Variants in TRMT9B observed in about 807,000 individuals in gnomAD.
The protein encoded by TRMT9B is probable tRNA methyltransferase 9B.
A neutral mutation model predicts 11.5 loss-of-function variants in TRMT9B; 16 were observed. The observed-to-expected ratio is 1.39, with a 90% CI of 0.94 to 2.11. TRMT9B has a LOEUF of 2.11. TRMT9B is among the 30% of genes most tolerant of loss of function. The pLI is 0.00. For synonymous variants in TRMT9B, 274 were observed against 192.4 expected (o/e 1.42, Z -3.51); for missense variants, 941 against 553.8 (o/e 1.70, Z -7.02).
chr8:12,949,752 C>T (rs150752746), intron 1 of TRMT9B, among the ~76,000 whole-genome samples: 147 of 152,304 alleles, frequency 9.7e-4, no homozygotes, highest in African/African-American at 3.4e-3. Context: ...TCAACATTTT[C>T]ATAGGGGCCT....
At chr8:13,018,017 C>G (rs551720405) in intron 4 of TRMT9B, among the ~76,000 whole-genome samples, 1 of 150,404 alleles carries the variant, frequency 6.6e-6, no homozygotes, top group East Asian at 1.9e-4. Context: ...ACTGATATTC[C>G]TGGGTGAAAT....
intron 2 of TRMT9B, among the ~76,000 whole-genome samples, chr8:13,000,573 T>C (rs1038066463): frequency 6.6e-6 from 1 of 152,244 alleles, no homozygotes; most frequent in Non-Finnish European, 1.5e-5. Context: ...AAGTTAGTTG[T>C]ATCTTTGTCT....
At chr8:13,012,212 C>T (rs1174154432) in intron 3 of TRMT9B, 2 of 985,172 alleles carry the variant, frequency 2.0e-6, no homozygotes, top group Non-Finnish European at 2.4e-6. Flanking sequence ...TAAGTATTCG[C>T]CGAAGGCTTT....
At chr8:13,016,540 A>G (rs190817400) in intron 4 of TRMT9B, among the ~76,000 whole-genome samples, 336 of 151,742 alleles carry the variant, frequency 2.2e-3, no homozygotes, top group Non-Finnish European at 3.9e-3. Flanking sequence ...GTATATATAT[A>G]TTTGCTTTTC....
At position 13,028,918 on chromosome 8, in the gene TRMT9B, G is replaced by A. The variant is rs73206624; in HGVS notation, c.*6874G>A. 0.024 allele frequency: 4,021 copies of A among 167,018 alleles called. 73 individuals carry two copies. Among genetic ancestry groups the A allele is most frequent in the African/African-American group, 0.035 (1,468 of 41,492 alleles). The allele number at this position is 167,018 out of a possible 1,614,324, so 10.3% of individuals were successfully genotyped here. ...ACTTCTCTGGTTATTTACACAAAAC[G>A]CTGGCAATACATTAAGGCTCACTAA... On this transcript the variant is annotated 3_prime_UTR_variant, in exon 5 of 5. Coordinates refer to ENST00000524591, the MANE Select transcript of TRMT9B (RefSeq NM_020844.3).
intron 2 of TRMT9B, among the ~76,000 whole-genome samples, chr8:12,991,965 C>G (rs1236504352): frequency 1.3e-5 from 2 of 152,114 alleles, no homozygotes; most frequent in Non-Finnish European, 2.9e-5. Flanking sequence ...TCTGGGGCAG[C>G]AAATCAGAAA....
chr8:13,024,762 G>A lies in TRMT9B; in HGVS notation c.*2718G>A. The A allele has an allele frequency of 3.0e-5, 5 of 167,124 alleles. No homozygotes were observed. 10.4% of individuals were successfully genotyped at this position (167,124 alleles called of 1,614,324 possible). On this transcript the variant is annotated 3_prime_UTR_variant, in exon 5 of 5. Transcript: ENST00000524591. ...GTAAATAAAGCATGCTGACTAATAAGTCTTTTACTCTTCATCTAATGAACA... is the reference window on the plus strand; with the variant it reads ...GTAAATAAAGCATGCTGACTAATAAATCTTTTACTCTTCATCTAATGAACA...
intron 4 of TRMT9B, among the ~76,000 whole-genome samples, chr8:13,018,889 C>T (rs1334315574): frequency 6.6e-6 from 1 of 152,136 alleles, no homozygotes; most frequent in South Asian, 2.1e-4. Context: ...TTTCAAATAG[C>T]AAAATCACCA....
At chr8:13,000,872 T>C (rs1337680689) in intron 2 of TRMT9B, among the ~76,000 whole-genome samples, 2 of 152,192 alleles carry the variant, frequency 1.3e-5, no homozygotes, top group African/African-American at 4.8e-5. Context: ...ATTTCAGGGC[T>C]AGAACAGGGT....
intron 2 of TRMT9B, among the ~76,000 whole-genome samples, chr8:13,000,968 G>C (rs893989173): frequency 6.6e-6 from 1 of 152,068 alleles, no homozygotes; most frequent in Non-Finnish European, 1.5e-5. Flanking sequence ...TTGGAGATGA[G>C]TGACCCTGAG....
At chr8:12,988,197 C>T (rs915195532) in intron 1 of TRMT9B, among the ~76,000 whole-genome samples, 3 of 152,104 alleles carry the variant, frequency 2.0e-5, no homozygotes, top group Admixed American at 6.6e-5. Flanking sequence ...TAGGTGTCAG[C>T]CCCTTGAGGG....
intron 3 of TRMT9B, among the ~76,000 whole-genome samples, chr8:13,008,161 T>C (rs1382390947): frequency 7.2e-5 from 11 of 152,222 alleles, no homozygotes. Context: ...TTCTTTACTA[T>C]ATATCATTAT....
At chr8:12,983,893 C>T (rs993224483) in intron 1 of TRMT9B, among the ~76,000 whole-genome samples, 1 of 152,144 alleles carries the variant, frequency 6.6e-6, no homozygotes, top group Admixed American at 6.5e-5. Context: ...TGTTGTGCTG[C>T]TTGGCTACCC....
chr8:13,000,201 A>G (rs1302511593), intron 2 of TRMT9B, among the ~76,000 whole-genome samples: 1 of 152,180 alleles, frequency 6.6e-6, no homozygotes, highest in Non-Finnish European at 1.5e-5. Context: ...GGTAATCCTG[A>G]TCTTTTCAGA....
intron 1 of TRMT9B, among the ~76,000 whole-genome samples, chr8:12,988,478 A>G (rs111694958): frequency 3.4e-4 from 51 of 152,204 alleles, no homozygotes; most frequent in Non-Finnish European, 6.2e-4. Flanking sequence ...TTATAAAGGA[A>G]AGAGGTTTAA....
intron 2 of TRMT9B, among the ~76,000 whole-genome samples, chr8:13,001,932 A>T (rs1192723449): frequency 6.6e-6 from 1 of 152,204 alleles, no homozygotes. Flanking sequence ...TAGTCTTATT[A>T]GCTTAGTCAC....
At chr8:13,016,086 T>A in intron 4 of TRMT9B, among the ~76,000 whole-genome samples, 1 of 145,260 alleles carries the variant, frequency 6.9e-6, no homozygotes. Flanking sequence ...TCCCTAAAAA[T>A]CATATGGGTA....
chr8:13,009,694 T>G (rs1811226203), intron 3 of TRMT9B, among the ~76,000 whole-genome samples: 1 of 152,340 alleles, frequency 6.6e-6, no homozygotes, highest in South Asian at 2.1e-4. Flanking sequence ...TTTGTTATAC[T>G]TTTAATATAT....
At chr8:12,980,649 A>G (rs562584126) in intron 1 of TRMT9B, among the ~76,000 whole-genome samples, 139 of 152,326 alleles carry the variant, frequency 9.1e-4, no homozygotes, top group Admixed American at 2.7e-3. Flanking sequence ...AGCCTACCAT[A>G]TAACACAGGA....
Sources: gnomAD v4.1 joint callset for allele counts (sites outside exome capture counted in the v4.1 genomes callset) on GRCh38, gnomAD v4.1.1 for gene constraint, MANE v1.5 for transcripts, NCBI Gene and HGNC (gene_info 2026-07-23, HGNC 2026-07-21) for gene names.